Variants in RAB27B observed in about 807,000 individuals in gnomAD.
RAB27B encodes RAB27B, member RAS oncogene family, also known as ras-related protein Rab-27B.
A neutral mutation model predicts 24.6 loss-of-function variants in RAB27B; 15 were observed. That is an observed-to-expected ratio of 0.61 (90% confidence interval 0.41 to 0.94). The LOEUF (loss-of-function observed/expected upper bound fraction) is 0.94, where lower values mean the gene tolerates loss of function less well. Among genes scored for constraint, RAB27B ranks in the 40% least tolerant of loss-of-function variants. The probability of loss-of-function intolerance (pLI) is 0.00; values close to 1 mark genes in which losing one functional copy is unlikely to be tolerated. For missense variants in RAB27B, 261 were observed against 266.8 expected (o/e 0.98, Z 0.15); for synonymous variants, 105 against 92.5 (o/e 1.14, Z -0.78).
In RAB27B at chr18:54,747,255, T is replaced by A. The variant is rs115332675; in HGVS notation, c.-20+29114T>A. On this transcript the variant is annotated intron_variant, in intron 2 of 4. Transcript: ENST00000586570. ...AATCTATCTTGCGTAACTTTTTCTG[T>A]CCCCTCCTGATGATGAAAATTTGCC... Among the ~76,000 whole-genome samples the A allele has an allele frequency of 5.0e-3, 760 of 152,224 alleles. 7 individuals are homozygous for A. The highest frequency in any genetic ancestry group is 0.017 in the African/African-American group (717 of 41,552).
At chr18:54,877,520 A>C (rs1011519654) in intron 1 of RAB27B, 47 bp from the exon 2 acceptor site, 2 of 1,299,252 alleles carry the variant, frequency 1.5e-6, no homozygotes, top group African/African-American at 3.1e-5. Flanking sequence ...AAAGCAAAGG[A>C]AAATCAACTT....
intron 2 of RAB27B, among the ~76,000 whole-genome samples, chr18:54,806,765 A>T (rs1909803703): frequency 6.6e-6 from 1 of 152,036 alleles, no homozygotes; most frequent in Non-Finnish European, 1.5e-5. Flanking sequence ...ACAACTAGCA[A>T]GAAAAACATT....
chr18:54,891,361 G>A lies in RAB27B; in HGVS notation c.*1948G>A, dbSNP rs1051835842. On this transcript the variant is annotated 3_prime_UTR_variant, in exon 6 of 6. Coordinates refer to ENST00000262094, the MANE Select transcript of RAB27B (RefSeq NM_004163.4). ...ATTTCTGCAGCATCGCAACAGGTTC[G>A]AAGATGGGTTGTGGCTGGGTATTCC... 2 of 151,130 alleles carry A rather than the reference G, an allele frequency of 1.3e-5. No homozygotes were observed. The highest frequency in any genetic ancestry group is 1.5e-5 in the Non-Finnish European group (1 of 68,024). 9.4% of individuals were successfully genotyped at this position (151,130 alleles called of 1,614,324 possible). A position where few individuals can be genotyped will look rare whatever the true frequency, so the allele number is the denominator to read the frequency against.
chr18:54,824,542 G>A (rs956772718), upstream of RAB27B, among the ~76,000 whole-genome samples: 5 of 152,160 alleles, frequency 3.3e-5, no homozygotes, highest in Non-Finnish European at 5.9e-5. Context: ...AGAGCTCTTC[G>A]TTGGTTCTTC....
At chr18:54,883,645 C>T (rs962360199) in intron 3 of RAB27B, among the ~76,000 whole-genome samples, 3 of 152,038 alleles carry the variant, frequency 2.0e-5, no homozygotes, top group Non-Finnish European at 2.9e-5. Flanking sequence ...GCATTGCACA[C>T]GAAAGAGCAA....
At chr18:54,872,725 A>G (rs1245424504) in intron 1 of RAB27B, among the ~76,000 whole-genome samples, 1 of 152,170 alleles carries the variant, frequency 6.6e-6, no homozygotes, top group Non-Finnish European at 1.5e-5. Flanking sequence ...CATTGATAAG[A>G]AGGGAGAATC....
intron 2 of RAB27B, among the ~76,000 whole-genome samples, chr18:54,878,545 C>A (rs1912797184): frequency 6.6e-6 from 1 of 152,112 alleles, no homozygotes; most frequent in Non-Finnish European, 1.5e-5. Context: ...ATGTGCTGGA[C>A]CTGATCTGAA....
rs558441965 is a variant in RAB27B, at chr18:54,802,507, G to A, written c.-19-75060G>A. On this transcript the variant is annotated intron_variant, in intron 2 of 4. Coordinates refer to the RAB27B transcript ENST00000586570. ...TTGCTCCTTTCTGTTTTGACTGAAC[G>A]GTCAGCAACTGGGAGATTTTCTCTC... Among the ~76,000 whole-genome samples the A allele has an allele frequency of 4.6e-5, 7 of 152,128 alleles. 1 individual carries two copies. Among genetic ancestry groups the A allele is most frequent in the South Asian group, 4.2e-4 (2 of 4,810 alleles).
At chr18:54,855,802 C>G (rs537269725) in intron 1 of RAB27B, among the ~76,000 whole-genome samples, 1 of 152,254 alleles carries the variant, frequency 6.6e-6, no homozygotes, top group East Asian at 1.9e-4. Flanking sequence ...TCTTTAGATT[C>G]AACATACAAG....
At chr18:54,728,941 C>G (rs1270125773) in intron 2 of RAB27B, among the ~76,000 whole-genome samples, 1 of 85,584 alleles carries the variant, frequency 1.2e-5, no homozygotes, top group Non-Finnish European at 2.5e-5. Context: ...CAAAGGAAAC[C>G]TGCCTACAAA....
chr18:54,727,266 G>T (rs1450432131), intron 2 of RAB27B, among the ~76,000 whole-genome samples: 1 of 152,074 alleles, frequency 6.6e-6, no homozygotes, highest in African/African-American at 2.4e-5. Context: ...GAACCACTGT[G>T]CCCAGCCCAG....
At chr18:54,887,946 A>G in intron 4 of RAB27B, 49 bp from the exon 5 acceptor site, 1 of 1,585,492 alleles carries the variant, frequency 6.3e-7, no homozygotes, top group Non-Finnish European at 8.6e-7. Context: ...GTCATTTGAC[A>G]TCACTTATTT....
chr18:54,831,171 G>T (rs111663530), intron 1 of RAB27B, among the ~76,000 whole-genome samples: 4 of 152,292 alleles, frequency 2.6e-5, no homozygotes, highest in African/African-American at 9.6e-5. Flanking sequence ...CGGTGTCAGG[G>T]AGGACTGAAA....
intron 2 of RAB27B, among the ~76,000 whole-genome samples, chr18:54,748,587 A>G (rs948808235): frequency 2.0e-5 from 3 of 152,140 alleles, no homozygotes; most frequent in Non-Finnish European, 2.9e-5. Flanking sequence ...GAGGCTGGTA[A>G]AATGCAGATA....
intron 2 of RAB27B, among the ~76,000 whole-genome samples, chr18:54,722,949 T>G (rs992335559): frequency 2.0e-5 from 3 of 152,150 alleles, no homozygotes; most frequent in Non-Finnish European, 2.9e-5. Context: ...CAAACAAAAG[T>G]CAAAACAGAA....
At chr18:54,722,415 C>T (rs1327409196) in intron 2 of RAB27B, among the ~76,000 whole-genome samples, 4 of 152,168 alleles carry the variant, frequency 2.6e-5, no homozygotes, top group Admixed American at 2.0e-4. Context: ...TGCTGCTCCT[C>T]TCAGGCAATG....
At chr18:54,819,445 T>A (rs185927850) in intron 2 of RAB27B, among the ~76,000 whole-genome samples, 1 of 143,582 alleles carries the variant, frequency 7.0e-6, no homozygotes, top group Admixed American at 7.3e-5. Context: ...GGTGGGAGGA[T>A]CACTTGAGCC....
At chr18:54,823,640 G>A (rs373853352), upstream of RAB27B, among the ~76,000 whole-genome samples, 1 of 152,132 alleles carries the variant, frequency 6.6e-6, no homozygotes, top group Non-Finnish European at 1.5e-5. Flanking sequence ...GGCACAAGTT[G>A]CTTAATAAAT....
chr18:54,845,402 T>C (rs1449647252), intron 1 of RAB27B, among the ~76,000 whole-genome samples: 1 of 4,884 alleles, frequency 2.0e-4, no homozygotes, highest in Non-Finnish European at 1.2e-3. Flanking sequence ...TGAGACTCCA[T>C]CTCAAAAAAA....
Sources: allele counts gnomAD v4.1 joint callset (sites outside exome capture counted in the v4.1 genomes callset), GRCh38; gene constraint gnomAD v4.1.1; transcripts MANE v1.5; gene names NCBI Gene and HGNC (gene_info 2026-07-23, HGNC 2026-07-21).